Variants in NDST4 observed in about 807,000 individuals in gnomAD.
NDST4 encodes the protein N-deacetylase and N-sulfotransferase 4, also known as N-heparan sulfate sulfotransferase 4.
Under a neutral mutation model 100.8 loss-of-function variants are expected in NDST4, and 63 were observed. The ratio of observed to expected loss-of-function variants is 0.62; its 90% CI spans 0.51 to 0.77. The LOEUF is 0.77. Ranked by LOEUF, NDST4 falls within the 30% of genes least tolerant of loss-of-function variation. The probability of loss-of-function intolerance (pLI) is 0.00; values close to 1 mark genes in which losing one functional copy is unlikely to be tolerated. For synonymous variants in NDST4, 377 were observed against 361.8 expected, an observed-to-expected ratio of 1.04 and a Z score of -0.48; for missense variants, 943 against 1,018.4, an observed-to-expected ratio of 0.93 and a Z score of 1.01.
At chr4:114,835,623 T>C (rs899119021) in intron 11 of NDST4, among the ~76,000 whole-genome samples, 13 of 152,212 alleles carry the variant, frequency 8.5e-5, no homozygotes, top group Admixed American at 2.0e-4. Context: ...TCTGTAGATG[T>C]CTATTAGTTC....
At chr4:115,048,482 G>T (rs1469098814) in intron 2 of NDST4, among the ~76,000 whole-genome samples, 1 of 152,094 alleles carries the variant, frequency 6.6e-6, no homozygotes, top group Non-Finnish European at 1.5e-5. Flanking sequence ...TGGAAAGTTT[G>T]CAGATTATTG....
intron 7 of NDST4, among the ~76,000 whole-genome samples, chr4:114,859,008 A>T (rs1371450448): frequency 2.0e-5 from 3 of 152,222 alleles, no homozygotes; most frequent in African/African-American, 7.2e-5. Flanking sequence ...TATCTTTGGC[A>T]TTCAAATAGT....
chr4:115,099,887 A>G (rs1024872580), intron 1 of NDST4, among the ~76,000 whole-genome samples: 10 of 152,176 alleles, frequency 6.6e-5, no homozygotes, highest in Admixed American at 2.0e-4. Flanking sequence ...TTATTTATAG[A>G]TGCCAAGGCT....
chr4:114,891,405 A>C (rs1040751516), intron 6 of NDST4, among the ~76,000 whole-genome samples: 1 of 152,050 alleles, frequency 6.6e-6, no homozygotes, highest in African/African-American at 2.4e-5. Flanking sequence ...AGATCATTTC[A>C]CATTCTTCTC....
rs1560821117 is a variant in NDST4 at position 114,937,462 on chromosome 4, TG to T, written c.1262del (p.Pro421HisfsTer34). ...GAACCGGGTAGACCCCTGAGTGATG[TG>T]GGGCCACAGCATAGCCCATGTTGAT... ...IPINMGYAVA[P>X]HHSGVYPVHI... On this transcript the variant is annotated frameshift_variant, in exon 5 of 14. Transcript: ENST00000264363. LOFTEE classifies it high-confidence loss of function. The T allele has an allele frequency of 6.2e-7, 1 of 1,606,850 alleles. No homozygotes were observed. Among genetic ancestry groups the T allele is most frequent in the Non-Finnish European group, 8.5e-7 (1 of 1,176,380 alleles).
intron 4 of NDST4, among the ~76,000 whole-genome samples, chr4:114,941,186 G>A (rs114239532): frequency 0.015 from 2,287 of 152,282 alleles, 37 homozygotes; most frequent in Non-Finnish European, 0.025. Flanking sequence ...AGGACTGGAT[G>A]CTGCTCTAAA....
At chr4:114,981,085 T>C (rs1442372266) in intron 2 of NDST4, among the ~76,000 whole-genome samples, 2 of 152,030 alleles carry the variant, frequency 1.3e-5, no homozygotes, top group East Asian at 3.9e-4. Context: ...TGGTGGGGTG[T>C]GTAATATACC....
intron 13 of NDST4, among the ~76,000 whole-genome samples, chr4:114,829,150 A>G (rs1306607273): frequency 6.6e-6 from 1 of 152,116 alleles, no homozygotes; most frequent in Non-Finnish European, 1.5e-5. Context: ...CCACCTTGCC[A>G]TAAGAGAAAT....
At chr4:115,087,439 A>G (rs1309530170) in intron 1 of NDST4, among the ~76,000 whole-genome samples, 2 of 151,924 alleles carry the variant, frequency 1.3e-5, no homozygotes, top group Non-Finnish European at 2.9e-5. Context: ...CATCTAAATT[A>G]TTTTGTTTTA....
At position 115,071,140 on chromosome 4, in the gene NDST4, AAAT is replaced by A. The variant is rs199780368; in HGVS notation, c.978+4916_978+4918del. On this transcript the variant is annotated intron_variant, in intron 2 of 13. Transcript: ENST00000264363. ...TACTAATAATGAAAATAAAATAAAA[AAAT>A]AAAAAATAAAAATAAACTCGTATTC... is the stretch of plus-strand genomic sequence containing the variant. Among the ~76,000 whole-genome samples, 1,095 of 148,108 alleles carry A rather than the reference AAAT, an allele frequency of 7.4e-3. 12 individuals carry two copies. Among genetic ancestry groups the A allele is most frequent in the African/African-American group, 0.027 (1,027 of 37,686 alleles).
chr4:114,854,572 G>A (rs753726832), intron 7 of NDST4, among the ~76,000 whole-genome samples: 15 of 151,982 alleles, frequency 9.9e-5, no homozygotes, highest in Non-Finnish European at 1.8e-4. Flanking sequence ...AAATTCAAGC[G>A]ATTCTCCTGC....
chr4:115,003,622 C>T (rs933308210), intron 2 of NDST4, among the ~76,000 whole-genome samples: 1 of 152,062 alleles, frequency 6.6e-6, no homozygotes, highest in African/African-American at 2.4e-5. Context: ...AATCCCAGTA[C>T]TTTTGGAGGC....
intron 2 of NDST4, among the ~76,000 whole-genome samples, chr4:114,982,217 G>T (rs1211191429): frequency 6.6e-6 from 1 of 152,146 alleles, no homozygotes; most frequent in Admixed American, 6.5e-5. Context: ...GCAGAAGTTG[G>T]AACAGTTTGA....
intron 7 of NDST4, among the ~76,000 whole-genome samples, chr4:114,860,446 A>G (rs768077999): frequency 6.6e-6 from 1 of 152,158 alleles, no homozygotes; most frequent in Non-Finnish European, 1.5e-5. Context: ...AGCTTTCTTC[A>G]TATTAATTTC....
chr4:115,028,107 G>A (rs1345093853), intron 2 of NDST4, among the ~76,000 whole-genome samples: 1 of 151,842 alleles, frequency 6.6e-6, no homozygotes, highest in African/African-American at 2.4e-5. Context: ...TTAGCTCAAC[G>A]ATTCCTATGA....
chr4:114,956,588 T>G (rs1302648941), intron 4 of NDST4, among the ~76,000 whole-genome samples: 3 of 152,168 alleles, frequency 2.0e-5, no homozygotes, highest in African/African-American at 7.2e-5. Flanking sequence ...AGTATACAGC[T>G]GATAATTAGT....
chr4:114,848,944 T>C (rs1432752571), intron 8 of NDST4, among the ~76,000 whole-genome samples: 1 of 152,116 alleles, frequency 6.6e-6, no homozygotes, highest in African/African-American at 2.4e-5. Flanking sequence ...CTTTCCAATA[T>C]ATGAGAAAAT....
At chr4:114,927,085 T>C (rs1725400511) in intron 6 of NDST4, among the ~76,000 whole-genome samples, 1 of 152,056 alleles carries the variant, frequency 6.6e-6, no homozygotes, top group African/African-American at 2.4e-5. Flanking sequence ...CCATTAGATA[T>C]CTTCCCATTT....
At chr4:115,052,767 C>G (rs953978025) in intron 2 of NDST4, among the ~76,000 whole-genome samples, 1 of 152,070 alleles carries the variant, frequency 6.6e-6, no homozygotes, top group African/African-American at 2.4e-5. Context: ...ACAACTCACT[C>G]CTTCATTCAT....
Sources: allele counts gnomAD v4.1 joint callset (sites outside exome capture counted in the v4.1 genomes callset), GRCh38; gene constraint gnomAD v4.1.1; transcripts MANE v1.5; gene names NCBI Gene and HGNC (gene_info 2026-07-23, HGNC 2026-07-21).